The following TXNDC15 variants were observed in gnomAD, a reference collection of about 807,000 sequenced individuals.
The protein encoded by TXNDC15 is thioredoxin domain-containing protein 15.
A neutral mutation model predicts 35.0 loss-of-function variants in TXNDC15; 24 were observed. That is an observed-to-expected ratio of 0.68 (90% CI 0.50 to 0.96). The LOEUF is 0.96. Ranked by LOEUF, TXNDC15 falls within the 40% of genes least tolerant of loss-of-function variation. The probability of loss-of-function intolerance (pLI) is 0.00; values close to 1 mark genes in which losing one functional copy is unlikely to be tolerated. For synonymous variants in TXNDC15, 169 were observed against 174.0 expected, an observed-to-expected ratio of 0.97 and a Z score of 0.23; for missense variants, 385 against 453.3, an observed-to-expected ratio of 0.85 and a Z score of 1.37.
chr5:134,880,259 T>C (rs1486442872), intron 1 of TXNDC15, among the ~76,000 whole-genome samples: 3 of 152,198 alleles, frequency 2.0e-5, no homozygotes, highest in Non-Finnish European at 4.4e-5. Flanking sequence ...TGTATATTTA[T>C]CCATGTAGTT....
chr5:134,880,757 C>CT (rs933052155), intron 1 of TXNDC15, among the ~76,000 whole-genome samples: 10 of 150,910 alleles, frequency 6.6e-5, no homozygotes, highest in African/African-American at 1.7e-4. Context: ...TCATTTTTTT[C>CT]TTTTTTTTTG....
In TXNDC15 at chr5:134,887,762, G is replaced by GTACC; in HGVS notation, c.173_176dup (p.Gly60ProfsTer3). On this transcript the variant is annotated frameshift_variant, in exon 2 of 5. Coordinates refer to ENST00000358387, the MANE Select transcript of TXNDC15 (RefSeq NM_024715.4). LOFTEE classifies it high-confidence loss of function. ...CTCACCCTCTCCAGGTGGGGGCTGT[G>GTACC]TACCTGGGTGAGGAGGAGCTCCTGC... 6.2e-7 allele frequency: 1 copy of GTACC among 1,613,868 alleles called. No homozygotes were observed. The highest frequency in any genetic ancestry group is 1.3e-5 in the African/African-American group (1 of 75,064).
At chr5:134,896,181 C>A in intron 3 of TXNDC15, 113 bp from the exon 4 acceptor site, 1 of 1,294,006 alleles carries the variant, frequency 7.7e-7, no homozygotes, top group Non-Finnish European at 1.1e-6. Flanking sequence ...CAGAAATCTC[C>A]GTAGGTCACA....
intron 1 of TXNDC15, among the ~76,000 whole-genome samples, chr5:134,883,867 A>G (rs1750216443): frequency 6.7e-6 from 1 of 149,460 alleles, no homozygotes; most frequent in Non-Finnish European, 1.5e-5. Flanking sequence ...GTGAGCCGAG[A>G]TGGTGCCACT....
At chr5:134,880,439 TA>T (rs796874561) in intron 1 of TXNDC15, among the ~76,000 whole-genome samples, 55 of 149,264 alleles carry the variant, frequency 3.7e-4, no homozygotes, top group African/African-American at 1.2e-3. Context: ...TTTCACTTAT[TA>T]TTTTTTTTTT....
intron 1 of TXNDC15, among the ~76,000 whole-genome samples, chr5:134,879,980 C>T (rs1475987558): frequency 6.6e-6 from 1 of 152,006 alleles, no homozygotes; most frequent in African/African-American, 2.4e-5. Flanking sequence ...ATTTTTAGTA[C>T]AGACGGGATT....
rs187891560 is a variant in TXNDC15 at position 134,887,272 on chromosome 5, C to T, written c.104-423C>T. Among the ~76,000 whole-genome samples, 9 of 152,298 alleles carry T rather than the reference C, an allele frequency of 5.9e-5. No homozygotes were observed. In the East Asian group the frequency reaches 7.7e-4, roughly 13 times the overall value. On this transcript the variant is annotated intron_variant, in intron 1 of 4. Transcript: ENST00000358387. ...CAGTCTTGGCTCACTGCAACCTCCG[C>T]CTCCTAGGTTCCAGCAATCCTCTTG...
chr5:134,878,464 C>T (rs1750082382), intron 1 of TXNDC15, among the ~76,000 whole-genome samples: 1 of 152,202 alleles, frequency 6.6e-6, no homozygotes, highest in Non-Finnish European at 1.5e-5. Context: ...GTCCCTCCAA[C>T]CCTTGACTGT....
At chr5:134,897,297 G>GAGTGCAATGGCATAATCTC in intron 4 of TXNDC15, among the ~76,000 whole-genome samples, 2 of 152,104 alleles carry the variant, frequency 1.3e-5, no homozygotes, top group African/African-American at 4.8e-5. Flanking sequence ...ACCCAGACTG[G>GAGTGCAATGGCATAATCTC]AGTGCAATGG....
chr5:134,885,048 G>A (rs1352621222), intron 1 of TXNDC15, among the ~76,000 whole-genome samples: 9 of 151,598 alleles, frequency 5.9e-5, no homozygotes, highest in African/African-American at 2.2e-4. Context: ...TCAGCCTACC[G>A]AGTAGCTAAA....
chr5:134,887,625 GA>G (rs1465451517), intron 1 of TXNDC15, 69 bp from the exon 2 acceptor site: 1 of 1,507,722 alleles, frequency 6.6e-7, no homozygotes. Context: ...TGTTAGAGGG[GA>G]ACTGTAATTC....
At chr5:134,889,752 G>T (rs1750351024) in intron 2 of TXNDC15, among the ~76,000 whole-genome samples, 1 of 152,198 alleles carries the variant, frequency 6.6e-6, no homozygotes, top group Non-Finnish European at 1.5e-5. Flanking sequence ...TTTGGTTCCA[G>T]ACCACTGTGA....
chr5:134,883,587 C>CA lies in TXNDC15; in HGVS notation c.104-4084dup, dbSNP rs60114636. ...TGGGTGACAGAGCGAGACCCTGTCTCAAAAAAAAAAAAAAAAAAAAAAAAG... is the reference window on the plus strand; with the variant it reads ...TGGGTGACAGAGCGAGACCCTGTCTCAAAAAAAAAAAAAAAAAAAAAAAAAG... On this transcript the variant is annotated intron_variant, in intron 1 of 4. Coordinates refer to ENST00000358387, the MANE Select transcript of TXNDC15 (RefSeq NM_024715.4). Among the ~76,000 whole-genome samples, 202 of 65,218 alleles carry CA rather than the reference C, an allele frequency of 3.1e-3. 2 individuals are homozygous for CA. The highest frequency in any genetic ancestry group is 3.9e-3 in the Non-Finnish European group (151 of 38,296). 42.8% of individuals were successfully genotyped at this position (65,218 alleles called of 152,430 possible). A position where few individuals can be genotyped will look rare whatever the true frequency, so the allele number is the denominator to read the frequency against.
chr5:134,895,064 C>T (rs1174072640), intron 3 of TXNDC15, among the ~76,000 whole-genome samples: 1 of 151,910 alleles, frequency 6.6e-6, no homozygotes, highest in Non-Finnish European at 1.5e-5. Context: ...TGTGGTACCC[C>T]AGCTACTTGG....
At chr5:134,888,990 T>C (rs1056429954) in intron 2 of TXNDC15, among the ~76,000 whole-genome samples, 1 of 152,176 alleles carries the variant, frequency 6.6e-6, no homozygotes, top group African/African-American at 2.4e-5. Flanking sequence ...ACACTGCTTA[T>C]GTAAGAGAGG....
intron 1 of TXNDC15, chr5:134,875,136 C>T (rs1372862011): frequency 4.4e-6 from 2 of 456,310 alleles, no homozygotes; most frequent in East Asian, 1.4e-4. Flanking sequence ...CAGCTCCCTG[C>T]ATGAAAAACA....
Position 134,899,896 on chromosome 5 carries a change from A to G in TXNDC15, c.*211A>G. On this transcript the variant is annotated 3_prime_UTR_variant, in exon 5 of 5. Transcript: ENST00000358387. ...AAGCAAATGCAAAAATATTCAATAG[A>G]TGCACTATTCTTGTTTTTACTGCAT... is the stretch of plus-strand genomic sequence containing the variant. The G allele has an allele frequency of 2.1e-6, 1 of 478,120 alleles. No homozygotes were observed. Among genetic ancestry groups the G allele is most frequent in the Non-Finnish European group, 3.6e-6 (1 of 274,772 alleles). The allele number at this position is 478,120 out of a possible 1,614,324, so 29.6% of individuals were successfully genotyped here.
chr5:134,875,302 G>T lies in TXNDC15; in HGVS notation c.103+772G>T, dbSNP rs182410809. 4 of 456,200 alleles carry T rather than the reference G, an allele frequency of 8.8e-6. 1 individual carries two copies. Among genetic ancestry groups the T allele is most frequent in the South Asian group, 6.2e-5 (4 of 64,560 alleles). 28.3% of individuals were successfully genotyped at this position (456,200 alleles called of 1,614,324 possible). A position where few individuals can be genotyped will look rare whatever the true frequency, so the allele number is the denominator to read the frequency against. On this transcript the variant is annotated intron_variant, in intron 1 of 4. Coordinates refer to ENST00000358387, the MANE Select transcript of TXNDC15 (RefSeq NM_024715.4). ...TGTTAAAGTCCAGACCCTCGGTCTC[G>T]CTTGTCATTTAGACCTTAACAGGAA...
At position 134,876,916 on chromosome 5, in the gene TXNDC15, C is replaced by T. The variant is rs1750046306; in HGVS notation, c.103+2386C>T. 3.9e-5 allele frequency among the ~76,000 whole-genome samples: 6 copies of T among 152,084 alleles called. No individual in the cohort carries two copies. In the South Asian group the frequency reaches 1.2e-3, roughly 31 times the overall value. On this transcript the variant is annotated intron_variant, in intron 1 of 4. Transcript: ENST00000358387. ...TCCCTAGGCAGTCAGCTAGCAAATT[C>T]TTACTGAGCACTCATCATATGCTAA... is the stretch of plus-strand genomic sequence containing the variant.
Sources: gnomAD v4.1 joint callset for allele counts (sites outside exome capture counted in the v4.1 genomes callset) on GRCh38, gnomAD v4.1.1 for gene constraint, MANE v1.5 for transcripts, NCBI Gene and HGNC (gene_info 2026-07-23, HGNC 2026-07-21) for gene names.